GABRG3: variants seen among roughly 807,000 people sequenced by gnomAD.
GABRG3 encodes the protein gamma-aminobutyric acid receptor subunit gamma-3.
GABRG3 carries 25 observed loss-of-function variants against 48.8 expected under a neutral mutation model. The ratio of observed to expected loss-of-function variants is 0.51; its 90% CI spans 0.37 to 0.72. The LOEUF (loss-of-function observed/expected upper bound fraction) is 0.72, where lower values mean the gene tolerates loss of function less well. GABRG3 is among the 30% of genes least tolerant of loss of function. The pLI is 0.00. For missense variants in GABRG3, 394 were observed against 577.9 expected (o/e 0.68, Z 3.26); for synonymous variants, 227 against 217.6 (o/e 1.04, Z -0.38).
chr15:27,381,805 T>G (rs1451530371), intron 5 of GABRG3, among the ~76,000 whole-genome samples: 1 of 152,144 alleles, frequency 6.6e-6, no homozygotes, highest in Non-Finnish European at 1.5e-5. Flanking sequence ...GATTTCAGCT[T>G]TTTCCCTCAG....
intron 5 of GABRG3, among the ~76,000 whole-genome samples, chr15:27,399,929 G>A (rs1281537886): frequency 6.6e-6 from 1 of 152,160 alleles, no homozygotes; most frequent in Non-Finnish European, 1.5e-5. Flanking sequence ...TTGCTTGCTG[G>A]TGAAATATAA....
intron 3 of GABRG3, among the ~76,000 whole-genome samples, chr15:27,128,466 T>C (rs574798858): frequency 6.6e-6 from 1 of 152,360 alleles, no homozygotes; most frequent in East Asian, 1.9e-4. Flanking sequence ...GCGAGTCATC[T>C]GCCCACGCCT....
chr15:27,241,536 C>T (rs943854562), intron 3 of GABRG3, among the ~76,000 whole-genome samples: 1 of 152,184 alleles, frequency 6.6e-6, no homozygotes, highest in Non-Finnish European at 1.5e-5. Flanking sequence ...GTTTTCAGCA[C>T]ACGCTCACAT....
At chr15:27,402,959 A>T (rs2140589299) in intron 5 of GABRG3, among the ~76,000 whole-genome samples, 1 of 152,250 alleles carries the variant, frequency 6.6e-6, no homozygotes, top group East Asian at 1.9e-4. Flanking sequence ...TACCTATGTG[A>T]TCATCCTGGG....
At chr15:27,275,317 G>A (rs1395053631) in intron 3 of GABRG3, among the ~76,000 whole-genome samples, 1 of 152,116 alleles carries the variant, frequency 6.6e-6, no homozygotes, top group African/African-American at 2.4e-5. Flanking sequence ...ATATGTACCT[G>A]CTATCCCTTT....
At chr15:27,468,072 T>A (rs1889671194) in intron 5 of GABRG3, among the ~76,000 whole-genome samples, 1 of 152,220 alleles carries the variant, frequency 6.6e-6, no homozygotes, top group Non-Finnish European at 1.5e-5. Context: ...ACGGTCACAG[T>A]ACTGATACCA....
At chr15:27,442,919 A>G (rs975021568) in intron 5 of GABRG3, among the ~76,000 whole-genome samples, 11 of 152,160 alleles carry the variant, frequency 7.2e-5, no homozygotes, top group African/African-American at 2.4e-4. Flanking sequence ...GAGCCTTCCA[A>G]TGAGGTTGCT....
At chr15:27,392,036 A>T (rs1408098371) in intron 5 of GABRG3, among the ~76,000 whole-genome samples, 1 of 152,208 alleles carries the variant, frequency 6.6e-6, no homozygotes, top group African/African-American at 2.4e-5. Context: ...TAAATTTTTT[A>T]AAAATGATCT....
intron 3 of GABRG3, among the ~76,000 whole-genome samples, chr15:27,218,488 G>A (rs573801452): frequency 5.3e-5 from 8 of 152,244 alleles, no homozygotes; most frequent in Admixed American, 2.6e-4. Flanking sequence ...ATATTTTGGG[G>A]TGATGTCTTC....
chr15:27,367,192 C>A (rs745703844), intron 5 of GABRG3, among the ~76,000 whole-genome samples: 1 of 152,200 alleles, frequency 6.6e-6, no homozygotes, highest in South Asian at 2.1e-4. Context: ...CACTACCTCC[C>A]TCCCCCTACA....
chr15:27,404,784 C>T (rs1432845719), intron 5 of GABRG3, among the ~76,000 whole-genome samples: 1 of 152,158 alleles, frequency 6.6e-6, no homozygotes, highest in Non-Finnish European at 1.5e-5. Context: ...GGCAACAAGC[C>T]CTGTGCATAA....
chr15:27,189,208 C>T (rs1016819158), intron 3 of GABRG3, among the ~76,000 whole-genome samples: 35 of 151,392 alleles, frequency 2.3e-4, no homozygotes, highest in African/African-American at 5.3e-4. Flanking sequence ...CTTGGCGATG[C>T]GGGCTCTTTT....
At chr15:27,268,214 A>G (rs1385608130) in intron 3 of GABRG3, among the ~76,000 whole-genome samples, 1 of 152,204 alleles carries the variant, frequency 6.6e-6, no homozygotes, top group African/African-American at 2.4e-5. Flanking sequence ...CAATTTTAAC[A>G]TAGATATAAA....
intron 3 of GABRG3, among the ~76,000 whole-genome samples, chr15:27,153,944 A>G (rs1898370057): frequency 6.6e-6 from 1 of 152,168 alleles, no homozygotes; most frequent in African/African-American, 2.4e-5. Flanking sequence ...TAAATTTTAG[A>G]TGAAAGGAAG....
At chr15:26,995,727 T>C (rs1895328849) in intron 2 of GABRG3, among the ~76,000 whole-genome samples, 1 of 152,112 alleles carries the variant, frequency 6.6e-6, no homozygotes, top group Non-Finnish European at 1.5e-5. Flanking sequence ...ACAAACTTAA[T>C]TCCAATTGAA....
chr15:27,309,318 G>T (rs985609077), intron 3 of GABRG3, among the ~76,000 whole-genome samples: 4 of 151,036 alleles, frequency 2.6e-5, no homozygotes, highest in Non-Finnish European at 5.9e-5. Flanking sequence ...GTGTGTGTGT[G>T]TTTGTATATA....
chr15:27,320,502 C>A (rs1412268701), intron 3 of GABRG3, among the ~76,000 whole-genome samples: 1 of 152,178 alleles, frequency 6.6e-6, no homozygotes, highest in Non-Finnish European at 1.5e-5. Flanking sequence ...TTCCACACTG[C>A]AGAATCCTAA....
intron 3 of GABRG3, among the ~76,000 whole-genome samples, chr15:27,052,072 A>G (rs910965668): frequency 1.3e-5 from 2 of 152,022 alleles, no homozygotes; most frequent in African/African-American, 4.8e-5. Context: ...CCCGCCTCTC[A>G]CCTCCTGCTG....
In GABRG3 at chr15:27,132,471, G is replaced by GGTTTT. The variant is rs778222775; in HGVS notation, c.270+105650_270+105651insGTTTT. 6.8e-3 allele frequency among the ~76,000 whole-genome samples: 271 copies of GGTTTT among 39,578 alleles called. 71 individuals are homozygous for GGTTTT. Among genetic ancestry groups the GGTTTT allele is most frequent in the Non-Finnish European group, 8.8e-3 (184 of 21,018 alleles). 26.0% of individuals were successfully genotyped at this position (39,578 alleles called of 152,430 possible). ...TGATTCAATCTTCCCAGTAGTTACAGTTTTTTTTTTTTTTTTTTTTTTTTT... is the reference window on the plus strand; with the variant it reads ...TGATTCAATCTTCCCAGTAGTTACAGGTTTTTTTTTTTTTTTTTTTTTTTTTTTTT... On this transcript the variant is annotated intron_variant, in intron 3 of 9. Coordinates refer to ENST00000615808, the MANE Select transcript of GABRG3 (RefSeq NM_033223.5).
Sources: gnomAD v4.1 joint callset for allele counts (sites outside exome capture counted in the v4.1 genomes callset) on GRCh38, gnomAD v4.1.1 for gene constraint, MANE v1.5 for transcripts, NCBI Gene and HGNC (gene_info 2026-07-23, HGNC 2026-07-21) for gene names.